Variants in FILIP1 observed in about 807,000 individuals in gnomAD.
FILIP1 encodes filamin-A-interacting protein 1.
Under a neutral mutation model 102.1 loss-of-function variants are expected in FILIP1, and 61 were observed. That is an observed-to-expected ratio of 0.60 (90% confidence interval 0.49 to 0.74). FILIP1 has a LOEUF of 0.74. Among genes scored for constraint, FILIP1 ranks in the 30% least tolerant of loss-of-function variants. The probability of loss-of-function intolerance (pLI) is 0.00; values close to 1 mark genes in which losing one functional copy is unlikely to be tolerated. For missense variants in FILIP1, 1,314 were observed against 1,441.2 expected, an observed-to-expected ratio of 0.91 and a Z score of 1.43; for synonymous variants, 491 against 526.9, an observed-to-expected ratio of 0.93 and a Z score of 0.93.
intron 4 of FILIP1, among the ~76,000 whole-genome samples, chr6:75,329,175 C>A (rs1773978942): frequency 6.6e-6 from 1 of 152,184 alleles, no homozygotes; most frequent in East Asian, 1.9e-4. Flanking sequence ...CTTGTGATAA[C>A]CACCATCCTT....
intron 1 of FILIP1, among the ~76,000 whole-genome samples, chr6:75,464,144 A>G (rs1016881888): frequency 6.6e-6 from 1 of 152,186 alleles, no homozygotes; most frequent in South Asian, 2.1e-4. Context: ...ATAATGCTCC[A>G]CAATTTTGAT....
intron 2 of FILIP1, among the ~76,000 whole-genome samples, chr6:75,394,062 T>C (rs1348169814): frequency 6.6e-6 from 1 of 152,166 alleles, no homozygotes; most frequent in African/African-American, 2.4e-5. Flanking sequence ...TGTCTTCCCT[T>C]TGTTTCCTCA....
Position 75,308,637 on chromosome 6 carries a change from T to C in FILIP1, c.*54A>G. On this transcript the variant is annotated 3_prime_UTR_variant, in exon 6 of 6. Transcript: ENST00000237172. ...AGAACTGGCACAAACAGATGAAGGT[T>C]CACTTTCACGGCAGCAGTAGCATCT... The C allele has an allele frequency of 3.1e-6, 5 of 1,603,652 alleles. No individual in the cohort carries two copies. The highest frequency in any genetic ancestry group is 4.3e-6 in the Non-Finnish European group (5 of 1,174,140).
At chr6:75,412,390 T>A (rs1777108577) in intron 2 of FILIP1, among the ~76,000 whole-genome samples, 1 of 152,200 alleles carries the variant, frequency 6.6e-6, no homozygotes. Context: ...CCTCTCTTCT[T>A]ATTTGAATAC....
chr6:75,423,179 A>G (rs1777523843), intron 1 of FILIP1, among the ~76,000 whole-genome samples: 1 of 152,152 alleles, frequency 6.6e-6, no homozygotes. Flanking sequence ...CTCAACGTCT[A>G]CCATTCTACG....
chr6:75,373,845 T>TA (rs904490690), intron 2 of FILIP1, among the ~76,000 whole-genome samples: 45 of 151,930 alleles, frequency 3.0e-4, no homozygotes, highest in African/African-American at 1.1e-3. Flanking sequence ...CCTGTCTCTA[T>TA]AAAAAATGCA....
chr6:75,374,797 C>T (rs1775700813), intron 2 of FILIP1, among the ~76,000 whole-genome samples: 1 of 152,202 alleles, frequency 6.6e-6, no homozygotes, highest in African/African-American at 2.4e-5. Context: ...TCAACAGAAA[C>T]CAGCTAGATG....
intron 2 of FILIP1, among the ~76,000 whole-genome samples, chr6:75,408,615 G>A (rs913829179): frequency 8.5e-5 from 13 of 152,200 alleles, no homozygotes; most frequent in African/African-American, 3.1e-4. Context: ...CGTCCAAAAT[G>A]TTGGATATAG....
chr6:75,366,582 T>G (rs919476885), intron 2 of FILIP1, among the ~76,000 whole-genome samples: 1 of 152,196 alleles, frequency 6.6e-6, no homozygotes, highest in African/African-American at 2.4e-5. Context: ...TCTTATATAC[T>G]TGCTGTTAGT....
At chr6:75,473,261 G>A (rs938433444) in intron 1 of FILIP1, among the ~76,000 whole-genome samples, 20 of 152,118 alleles carry the variant, frequency 1.3e-4, no homozygotes, top group African/African-American at 4.8e-4. Flanking sequence ...GAAGGGCTAA[G>A]GAAATGTTAC....
chr6:75,313,512 T>C lies in FILIP1; in HGVS notation c.2320A>G (p.Lys774Glu), dbSNP rs1444102701. Residue 774 changes from lysine to glutamate, a missense_variant, in exon 5 of 6, where the codon AAA (lysine) becomes GAA (glutamate). This residue lies in a region of FILIP1 where 816 missense variants were observed against 913.1 expected (regional missense o/e 0.89). Transcript: ENST00000237172. The surrounding 1 kb of genome is among the most constrained non-coding windows in gnomAD (Gnocchi z 4.2). ...NMGQEVLNLT[K>E]ELELSKRYSR... Reference sequence around the variant, plus strand: ...TAGCGCTTGGAAAGCTCCAACTCTTTGGTCAGATTGAGAACCTCCTGCCCC... The same window carrying C: ...TAGCGCTTGGAAAGCTCCAACTCTTCGGTCAGATTGAGAACCTCCTGCCCC... The C allele has an allele frequency of 1.2e-6, 2 of 1,614,114 alleles. No individual in the cohort carries two copies. Among genetic ancestry groups the C allele is most frequent in the African/African-American group, 1.3e-5 (1 of 74,940 alleles).
At chr6:75,325,689 A>G (rs1363216236) in intron 4 of FILIP1, among the ~76,000 whole-genome samples, 1 of 151,956 alleles carries the variant, frequency 6.6e-6, no homozygotes, top group Non-Finnish European at 1.5e-5. Flanking sequence ...AGCCACAATG[A>G]GATACCATCT....
intron 4 of FILIP1, among the ~76,000 whole-genome samples, chr6:75,338,749 T>C (rs1340119607): frequency 6.6e-6 from 1 of 152,220 alleles, no homozygotes; most frequent in Non-Finnish European, 1.5e-5. Context: ...TCCAGAAGAA[T>C]AATCTCACTT....
intron 2 of FILIP1, among the ~76,000 whole-genome samples, chr6:75,372,163 T>G (rs1775540889): frequency 1.3e-5 from 2 of 150,046 alleles, no homozygotes; most frequent in South Asian, 4.2e-4. Flanking sequence ...AGATCGGGAG[T>G]TTGAGACCAG....
chr6:75,465,478 A>G, intron 1 of FILIP1: 1 of 973,786 alleles, frequency 1.0e-6, no homozygotes, highest in Non-Finnish European at 1.6e-6. Flanking sequence ...TTCATATAGC[A>G]TCAAAGTTGT....
At chr6:75,342,924 C>T (rs1774461917) in intron 4 of FILIP1, among the ~76,000 whole-genome samples, 1 of 152,192 alleles carries the variant, frequency 6.6e-6, no homozygotes, top group Non-Finnish European at 1.5e-5. Flanking sequence ...CTCCTGAATT[C>T]TTGGAGGGAG....
At chr6:75,307,640 G>C (rs145377113), downstream of FILIP1, among the ~76,000 whole-genome samples, 1 of 152,172 alleles carries the variant, frequency 6.6e-6, no homozygotes, top group Non-Finnish European at 1.5e-5. Context: ...TCTGCTTCAT[G>C]CTTATTAAAA....
chr6:75,334,321 C>A (rs1774172907), intron 4 of FILIP1, among the ~76,000 whole-genome samples: 1 of 152,118 alleles, frequency 6.6e-6, no homozygotes. Flanking sequence ...ACTCTTCATA[C>A]CATACCAAGG....
At chr6:75,348,025 A>G (rs1043732482) in intron 4 of FILIP1, among the ~76,000 whole-genome samples, 3 of 151,854 alleles carry the variant, frequency 2.0e-5, no homozygotes, top group Non-Finnish European at 4.4e-5. Flanking sequence ...CTCTATCTAC[A>G]GTGATAGATC....
Sources: gnomAD v4.1 joint callset for allele counts (sites outside exome capture counted in the v4.1 genomes callset) on GRCh38, gnomAD v4.1.1 for gene constraint, gnomAD v4.1.1 regional missense constraint, Gnocchi (gnomAD v3.1) non-coding constraint, MANE v1.5 for transcripts, NCBI Gene and HGNC (gene_info 2026-07-23, HGNC 2026-07-21) for gene names.